CACNA1B: variants seen among roughly 807,000 people sequenced by gnomAD.
CACNA1B encodes the protein calcium voltage-gated channel subunit alpha1 B.
A neutral mutation model predicts 247.2 loss-of-function variants in CACNA1B; 70 were observed. The observed-to-expected ratio is 0.28, with a 90% CI of 0.23 to 0.35. CACNA1B has a LOEUF of 0.35. CACNA1B is among the 10% of genes least tolerant of loss of function. CACNA1B has a pLI of 1.00. For synonymous variants in CACNA1B, 1,231 were observed against 1,294.4 expected (o/e 0.95, Z 1.05); for missense variants, 2,367 against 3,197.4 (o/e 0.74, Z 6.26).
In CACNA1B at chr9:137,955,989, G is replaced by A. The variant is rs1957942131; in HGVS notation, c.1186+176G>A. ...AGCTCACCCAGGGGCCTGGCACCAG[G>A]CAGCCATATGGCTCTGAGGACAGTG... is the stretch of plus-strand genomic sequence containing the variant. On this transcript the variant is annotated intron_variant, in intron 8 of 46. Coordinates refer to ENST00000371372, the MANE Select transcript of CACNA1B (RefSeq NM_000718.4). The surrounding 1 kb of genome is among the most constrained non-coding windows in gnomAD (Gnocchi z 6.9). Among the ~76,000 whole-genome samples the A allele has an allele frequency of 6.6e-6, 1 of 152,202 alleles. No homozygotes were observed. Among genetic ancestry groups the A allele is most frequent in the Non-Finnish European group, 1.5e-5 (1 of 68,030 alleles).
rs994197934 is a variant in CACNA1B, at chr9:137,992,808, A to G, written c.1974+5954A>G. ...CGAGACTCCGTCTCAAAAAAAAAAA[A>G]AAAAAATCTATATTATATCAAGTAC... On this transcript the variant is annotated intron_variant, in intron 15 of 46. Coordinates refer to ENST00000371372, the MANE Select transcript of CACNA1B (RefSeq NM_000718.4). Among the ~76,000 whole-genome samples the G allele has an allele frequency of 1.0e-3, 158 of 152,130 alleles. 1 individual carries two copies. Among genetic ancestry groups the G allele is most frequent in the African/African-American group, 3.7e-3 (152 of 41,572 alleles).
intron 26 of CACNA1B, among the ~76,000 whole-genome samples, chr9:138,056,867 A>G (rs1208178364): frequency 6.6e-6 from 1 of 151,398 alleles, no homozygotes; most frequent in Admixed American, 6.6e-5. Flanking sequence ...TCATGTGCTT[A>G]ATAGCCATTT....
intron 3 of CACNA1B, chr9:137,892,291 C>A (rs1343742349): frequency 2.2e-6 from 1 of 456,654 alleles, no homozygotes; most frequent in African/African-American, 2.0e-5. Flanking sequence ...GGATTGGTTT[C>A]TGGCGAGGCC....
chr9:137,916,412 CT>C (rs1957412005), intron 5 of CACNA1B, among the ~76,000 whole-genome samples: 1 of 152,154 alleles, frequency 6.6e-6, no homozygotes, highest in African/African-American at 2.4e-5. Context: ...TGCTTGCTAT[CT>C]TGTTCCAGAG....
intron 31 of CACNA1B, 123 bp from the exon 32 acceptor site, chr9:138,069,635 C>T (rs1162441860): frequency 4.1e-6 from 3 of 723,500 alleles, no homozygotes; most frequent in Non-Finnish European, 7.6e-6. Flanking sequence ...CTGACTCACG[C>T]CATCCAACCA....
At position 137,974,287 on chromosome 9, in the gene CACNA1B, G is replaced by A. The variant is rs1958192331; in HGVS notation, c.1544-1620G>A. On this transcript the variant is annotated intron_variant, in intron 11 of 46. Coordinates refer to ENST00000371372, the MANE Select transcript of CACNA1B (RefSeq NM_000718.4). This position sits in a 1 kb window ranked among gnomAD's most constrained non-coding sequence, Gnocchi z 4.5. The stretch of plus-strand genomic sequence containing the variant: ...CCATTCCCGAGCAGCCCTGCCTGAG[G>A]GTCGCTGGGCATCCATGCCTCTCAC... 6.6e-6 allele frequency among the ~76,000 whole-genome samples: 1 copy of A among 152,196 alleles called. No homozygotes were observed. The highest frequency in any genetic ancestry group is 1.5e-5 in the Non-Finnish European group (1 of 68,030).
At chr9:137,935,787 T>G (rs917170566) in intron 6 of CACNA1B, among the ~76,000 whole-genome samples, 13 of 151,360 alleles carry the variant, frequency 8.6e-5, no homozygotes, top group Admixed American at 6.6e-5. Flanking sequence ...TTTTTCTTTT[T>G]TTTTTTTGAC....
intron 3 of CACNA1B, among the ~76,000 whole-genome samples, chr9:137,903,705 G>C (rs1174932879): frequency 6.6e-6 from 1 of 151,850 alleles, no homozygotes; most frequent in East Asian, 1.9e-4. Context: ...TATTCTGTCT[G>C]TCCATCCAGG....
chr9:137,909,622 TC>T (rs1957338409), intron 3 of CACNA1B, among the ~76,000 whole-genome samples: 1 of 152,174 alleles, frequency 6.6e-6, no homozygotes, highest in Admixed American at 6.5e-5. Context: ...ACATTTGTGT[TC>T]CTCCCCTCTT....
In CACNA1B at chr9:138,057,986, C is replaced by G. The variant is rs1959576062; in HGVS notation, c.4107-63C>G. On this transcript the variant is annotated intron_variant, in intron 27 of 46. Transcript: ENST00000371372. The surrounding 1 kb of genome is among the most constrained non-coding windows in gnomAD (Gnocchi z 4.0). ...GCAGACCCACCCTTGTGGTGCAGGT[C>G]TTGAGTTCTTAGGGCTGTCTCCTTT... is the stretch of plus-strand genomic sequence containing the variant. 15 of 1,564,910 alleles carry G rather than the reference C, an allele frequency of 9.6e-6. No homozygotes were observed. The South Asian group carries it at 1.4e-4, about 15-fold the overall frequency.
chr9:137,970,128 T>C (rs1958128851), intron 10 of CACNA1B, among the ~76,000 whole-genome samples: 1 of 151,802 alleles, frequency 6.6e-6, no homozygotes, highest in African/African-American at 2.4e-5. Flanking sequence ...AGAACCTGGG[T>C]GTGCACACAT....
rs1216669391 is a variant in CACNA1B, at chr9:138,043,814, G to A, written c.3327G>A (p.Lys1109=). The A allele has an allele frequency of 6.2e-7, 1 of 1,613,966 alleles. No individual in the cohort carries two copies. Among genetic ancestry groups the A allele is most frequent in the African/African-American group, 1.3e-5 (1 of 75,030 alleles). Residue 1109 remains lysine, a synonymous_variant, in exon 21 of 47, where the codon AAG becomes AAA. Coordinates refer to ENST00000371372, the MANE Select transcript of CACNA1B (RefSeq NM_000718.4). ...TGGAAAGCCAAGCAGAGGGGAAGAA[G>A]GAGGTGGAAGCGGATGACGTGATGA... ...VDLESQAEGK[K]EVEADDVMRS...
intron 20 of CACNA1B, among the ~76,000 whole-genome samples, chr9:138,040,029 C>A (rs1451860141): frequency 2.0e-5 from 3 of 152,146 alleles, no homozygotes; most frequent in Non-Finnish European, 4.4e-5. Context: ...GTAGCCATCA[C>A]CTGGGCTCAG....
intron 36 of CACNA1B, among the ~76,000 whole-genome samples, chr9:138,087,713 CAAAAAAAAA>C (rs57138546): frequency 5.6e-5 from 2 of 35,456 alleles, no homozygotes; most frequent in East Asian, 7.3e-4. Context: ...GACTCCGTCT[CAAAAAAAAA>C]AAAAAAAAAA....
Position 137,917,483 on chromosome 9 carries a change from C to A in CACNA1B, c.966+52C>A. ...GAGGGCAGGCCCTGGACCTCCTGAG[C>A]TGGTGCCTCTGGGGGTCCATTTAGG... On this transcript the variant is annotated intron_variant, in intron 6 of 46. Coordinates refer to ENST00000371372, the MANE Select transcript of CACNA1B (RefSeq NM_000718.4). This position sits in a 1 kb window ranked among gnomAD's most constrained non-coding sequence, Gnocchi z 5.5. The A allele has an allele frequency of 6.6e-7, 1 of 1,514,620 alleles. No individual in the cohort carries two copies. The highest frequency in any genetic ancestry group is 9.1e-7 in the Non-Finnish European group (1 of 1,102,992). 93.8% of individuals were successfully genotyped at this position (1,514,620 alleles called of 1,614,324 possible).
Position 137,957,742 on chromosome 9 carries a change from C to A in CACNA1B, c.1333+55C>A. 1.6e-6 allele frequency: 2 copies of A among 1,261,492 alleles called. No homozygotes were observed. The highest frequency in any genetic ancestry group is 1.5e-5 in the South Asian group (1 of 68,644). 78.1% of individuals were successfully genotyped at this position (1,261,492 alleles called of 1,614,324 possible). ...CCAGGCTTGAGCTGGACATGGAGTG[C>A]ATGCTCCGCTTCCCCTGCTACCCAG... On this transcript the variant is annotated intron_variant, in intron 10 of 46. Coordinates refer to ENST00000371372, the MANE Select transcript of CACNA1B (RefSeq NM_000718.4). This position sits in a 1 kb window ranked among gnomAD's most constrained non-coding sequence, Gnocchi z 4.7.
intron 20 of CACNA1B, among the ~76,000 whole-genome samples, chr9:138,032,112 CT>C: frequency 1.3e-5 from 2 of 151,866 alleles, no homozygotes; most frequent in Non-Finnish European, 2.9e-5. Flanking sequence ...CTTGAATGTA[CT>C]TTAGAATTCC....
At chr9:138,107,418 T>C (rs1204960234) in intron 39 of CACNA1B, among the ~76,000 whole-genome samples, 1 of 152,014 alleles carries the variant, frequency 6.6e-6, no homozygotes, top group East Asian at 1.9e-4. Flanking sequence ...AGTTTTTGTA[T>C]ATTTTTTAGA....
Position 137,990,814 on chromosome 9 carries a change from T to C in CACNA1B, c.1974+3960T>C, listed in dbSNP as rs7025040. Among the ~76,000 whole-genome samples the C allele has an allele frequency of 0.3, 46,318 of 152,126 alleles. 9,960 individuals carry two copies. Among genetic ancestry groups the C allele is most frequent in the East Asian group, 0.66 (3,385 of 5,162 alleles). ...CACTCCCCAGTACCAGCCTGAAGCCTGGTAGCTCCACTGGGTGGGTAGACC... is the reference window on the plus strand; with the variant it reads ...CACTCCCCAGTACCAGCCTGAAGCCCGGTAGCTCCACTGGGTGGGTAGACC... On this transcript the variant is annotated intron_variant, in intron 15 of 46. Transcript: ENST00000371372. This position sits in a 1 kb window ranked among gnomAD's most constrained non-coding sequence, Gnocchi z 4.5.
Sources: allele counts gnomAD v4.1 joint callset (sites outside exome capture counted in the v4.1 genomes callset), GRCh38; gene constraint gnomAD v4.1.1; non-coding constraint Gnocchi (gnomAD v3.1); transcripts MANE v1.5; gene names NCBI Gene and HGNC (gene_info 2026-07-23, HGNC 2026-07-21).